The following MAPK9 variants were observed in gnomAD, a reference collection of about 807,000 sequenced individuals.
The protein encoded by MAPK9 is mitogen-activated protein kinase 9.
MAPK9 carries 30 observed loss-of-function variants against 57.1 expected under a neutral mutation model. The ratio of observed to expected loss-of-function variants is 0.53; its 90% CI spans 0.39 to 0.71. MAPK9 has a LOEUF of 0.71. Ranked by LOEUF, MAPK9 falls within the 30% of genes least tolerant of loss-of-function variation. The probability of loss-of-function intolerance (pLI) is 0.00; values close to 1 mark genes in which losing one functional copy is unlikely to be tolerated. For missense variants in MAPK9, 362 were observed against 521.0 expected (o/e 0.69, Z 2.97); for synonymous variants, 155 against 177.0 (o/e 0.88, Z 0.99).
rs759156460 is a variant in MAPK9, at chr5:180,247,940, G to A, written c.617-430C>T. The A allele has an allele frequency of 1.2e-6, 2 of 1,611,832 alleles. No homozygotes were observed. The highest frequency in any genetic ancestry group is 1.7e-6 in the Non-Finnish European group (2 of 1,179,266). On this transcript the variant is annotated intron_variant, in intron 6 of 11. Transcript: ENST00000452135. This position sits in a 1 kb window ranked among gnomAD's most constrained non-coding sequence, Gnocchi z 4.5. ...ACCAGATGTCCACTACCAAACACCA[G>A]GGGATTAAAAACCAGCTAGAGTCCC...
chr5:180,270,009 A>G (rs1428720475), intron 2 of MAPK9, among the ~76,000 whole-genome samples: 2 of 152,268 alleles, frequency 1.3e-5, no homozygotes, highest in South Asian at 2.1e-4. Context: ...TACTATAGTA[A>G]GAATAAAATC....
intron 11 of MAPK9, chr5:180,237,560 T>C (rs1757270968): frequency 6.6e-6 from 1 of 152,228 alleles, no homozygotes; most frequent in African/African-American, 2.4e-5. Flanking sequence ...CCATACTCCA[T>C]TTTACTTAGA....
At chr5:180,274,940 C>T (rs1270365918) in intron 2 of MAPK9, among the ~76,000 whole-genome samples, 1 of 152,100 alleles carries the variant, frequency 6.6e-6, no homozygotes, top group Non-Finnish European at 1.5e-5. Context: ...CATGCTGTTA[C>T]ACATATTAAA....
intron 3 of MAPK9, among the ~76,000 whole-genome samples, chr5:180,268,314 G>A (rs1472812529): frequency 1.3e-5 from 2 of 152,116 alleles, no homozygotes; most frequent in South Asian, 2.1e-4. Flanking sequence ...ATCTAATAAC[G>A]TGTATTTGAA....
intron 2 of MAPK9, among the ~76,000 whole-genome samples, chr5:180,273,573 C>T (rs1761553591): frequency 6.6e-6 from 1 of 152,144 alleles, no homozygotes; most frequent in Admixed American, 6.6e-5. Context: ...TTCCCTACCC[C>T]AAAGATCATG....
chr5:180,245,279 C>G (rs1212842800), intron 7 of MAPK9, among the ~76,000 whole-genome samples: 1 of 152,158 alleles, frequency 6.6e-6, no homozygotes, highest in African/African-American at 2.4e-5. Context: ...CCCATCTCCC[C>G]GGCCACACCC....
rs527592138 is a variant in MAPK9 at position 180,234,120 on chromosome 5, T to C, written c.*2264A>G. ...GTCTAAATTCCAGGATAATAGTAAA[T>C]TACCTGGTTTATAAAAATACATGTC... On this transcript the variant is annotated 3_prime_UTR_variant, in exon 12 of 12. Coordinates refer to ENST00000452135, the MANE Select transcript of MAPK9 (RefSeq NM_002752.5). 2.0e-4 allele frequency: 31 copies of C among 152,184 alleles called. No individual in the cohort carries two copies. Among genetic ancestry groups the C allele is most frequent in the Admixed American group, 1.4e-3 (21 of 15,278 alleles). 9.4% of individuals were successfully genotyped at this position (152,184 alleles called of 1,614,324 possible).
chr5:180,241,398 C>T (rs576306547), intron 8 of MAPK9, among the ~76,000 whole-genome samples: 158 of 151,830 alleles, frequency 1.0e-3, no homozygotes, highest in African/African-American at 3.5e-3. Flanking sequence ...CCCGGGTTCA[C>T]GCCATTCTCC....
At chr5:180,279,465 T>A (rs2127620344) in intron 2 of MAPK9, among the ~76,000 whole-genome samples, 1 of 152,282 alleles carries the variant, frequency 6.6e-6, no homozygotes, top group African/African-American at 2.4e-5. Context: ...AACAACTGTT[T>A]CCCTGATCAT....
At position 180,249,024 on chromosome 5, in the gene MAPK9, G is replaced by T; in HGVS notation, c.565C>A (p.Arg189=). The change falls in exon 6 of 12, where the codon CGG becomes AGG. Residue 189 remains arginine (R), a synonymous_variant. Coordinates refer to ENST00000452135, the MANE Select transcript of MAPK9 (RefSeq NM_002752.5). ...ATGACTTCGGGCGCCCGGTAGTACC[G>T]TGTCACCACGTAAGGGGTCATCATG... ...NFMMTPYVVT[R]YYRAPEVILG... 1.2e-6 allele frequency: 2 copies of T among 1,613,786 alleles called. No homozygotes were observed. Among genetic ancestry groups the T allele is most frequent in the South Asian group, 1.1e-5 (1 of 90,978 alleles).
At position 180,233,255 on chromosome 5, in the gene MAPK9, G is replaced by A. The variant is rs1416423012; in HGVS notation, c.*3129C>T. 2 of 152,322 alleles carry A rather than the reference G, an allele frequency of 1.3e-5. No individual in the cohort carries two copies. The highest frequency in any genetic ancestry group is 2.1e-4 in the South Asian group (1 of 4,826). The allele number at this position is 152,322 out of a possible 1,614,324, so 9.4% of individuals were successfully genotyped here. A position where few individuals can be genotyped will look rare whatever the true frequency, so the allele number is the denominator to read the frequency against. On this transcript the variant is annotated 3_prime_UTR_variant, in exon 12 of 12. Coordinates refer to ENST00000452135, the MANE Select transcript of MAPK9 (RefSeq NM_002752.5). Reference sequence around the variant, plus strand: ...CAAAGCCACAAGCACCATGAATGACGTTAAGTAACATGACTAAGGCTGACT... The same window carrying A: ...CAAAGCCACAAGCACCATGAATGACATTAAGTAACATGACTAAGGCTGACT...
intron 1 of MAPK9, among the ~76,000 whole-genome samples, chr5:180,285,767 CAAT>C (rs35216018): frequency 0.55 from 82,557 of 150,188 alleles, 22,995 homozygotes; most frequent in Non-Finnish European, 0.6. Context: ...CTATATTAAA[CAAT>C]AATAATAATA....
At chr5:180,272,952 G>A (rs1490919922) in intron 2 of MAPK9, among the ~76,000 whole-genome samples, 5 of 152,028 alleles carry the variant, frequency 3.3e-5, no homozygotes, top group African/African-American at 2.4e-5. Context: ...CAGTGCACGA[G>A]GGGTCACATC....
intron 3 of MAPK9, among the ~76,000 whole-genome samples, chr5:180,267,694 A>G (rs1760773840): frequency 6.6e-6 from 1 of 152,024 alleles, no homozygotes; most frequent in Non-Finnish European, 1.5e-5. Flanking sequence ...GTAAGACCCC[A>G]CCTCTACAAA....
intron 5 of MAPK9, among the ~76,000 whole-genome samples, chr5:180,260,048 A>G (rs1448023691): frequency 1.3e-5 from 2 of 152,244 alleles, no homozygotes; most frequent in Non-Finnish European, 2.9e-5. Context: ...GTTACCTCTG[A>G]GCACATTAAA....
intron 1 of MAPK9, among the ~76,000 whole-genome samples, chr5:180,281,047 C>G (rs925366940): frequency 4.6e-5 from 7 of 152,184 alleles, no homozygotes; most frequent in Admixed American, 1.3e-4. Context: ...AGCAAACGGA[C>G]CAGTCTTCTG....
chr5:180,250,050 C>T (rs889043091), intron 5 of MAPK9, among the ~76,000 whole-genome samples: 2 of 152,154 alleles, frequency 1.3e-5, no homozygotes, highest in African/African-American at 2.4e-5. Context: ...CACAAAGACA[C>T]GCCAGCACTG....
intron 8 of MAPK9, among the ~76,000 whole-genome samples, chr5:180,242,228 T>C (rs1286028503): frequency 6.6e-6 from 1 of 152,204 alleles, no homozygotes; most frequent in East Asian, 1.9e-4. Context: ...AGGAAGGACC[T>C]TTTTCATCGA....
intron 2 of MAPK9, 97 bp from the exon 3 acceptor site, chr5:180,269,506 T>A: frequency 8.3e-7 from 1 of 1,199,932 alleles, no homozygotes; most frequent in Non-Finnish European, 1.2e-6. Flanking sequence ...TTTTAATAAG[T>A]AACAAGGAAA....
Sources: allele counts gnomAD v4.1 joint callset (sites outside exome capture counted in the v4.1 genomes callset), GRCh38; gene constraint gnomAD v4.1.1; non-coding constraint Gnocchi (gnomAD v3.1); transcripts MANE v1.5; gene names NCBI Gene and HGNC (gene_info 2026-07-23, HGNC 2026-07-21).